CSNK2A2IP: variants seen among roughly 807,000 people sequenced by gnomAD.
The protein encoded by CSNK2A2IP is casein kinase 2 subunit alpha' interacting protein.
chr3:88,374,120 C>T, the CSNK2A2IP span, among the ~76,000 whole-genome samples: 1 of 151,556 alleles, frequency 6.6e-6, no homozygotes, highest in Non-Finnish European at 1.5e-5. Context: ...AGATTACACA[C>T]AAGCAAGGGT....
the CSNK2A2IP span, among the ~76,000 whole-genome samples, chr3:88,415,932 A>G: frequency 2.0e-5 from 3 of 151,970 alleles, no homozygotes; most frequent in Non-Finnish European, 4.4e-5. Context: ...AAATTCAGAA[A>G]CAAAGAAGCC....
the CSNK2A2IP span, among the ~76,000 whole-genome samples, chr3:88,346,179 A>G: frequency 6.6e-6 from 1 of 152,008 alleles, no homozygotes; most frequent in Admixed American, 6.6e-5. Context: ...CTGCAGAAGA[A>G]AAGTTTAAAG....
chr3:88,462,029 G>T, the CSNK2A2IP span, among the ~76,000 whole-genome samples: 1 of 151,614 alleles, frequency 6.6e-6, no homozygotes, highest in African/African-American at 2.4e-5. Flanking sequence ...TGTTTGTGAA[G>T]TGGTTGTTCA....
the CSNK2A2IP span, among the ~76,000 whole-genome samples, chr3:88,441,851 C>T: frequency 1.3e-5 from 2 of 152,084 alleles, no homozygotes; most frequent in East Asian, 1.9e-4. Context: ...CTGTGTTTTA[C>T]AGACATTTTC....
the CSNK2A2IP span, among the ~76,000 whole-genome samples, chr3:88,417,618 T>C: frequency 4.6e-5 from 7 of 152,352 alleles, 2 homozygotes; most frequent in Admixed American, 4.6e-4. Context: ...ACTATGAGTA[T>C]GACAGGCAAT....
At chr3:88,398,350 C>T in the CSNK2A2IP span, among the ~76,000 whole-genome samples, 4 of 151,962 alleles carry the variant, frequency 2.6e-5, no homozygotes, top group African/African-American at 9.7e-5. Context: ...ATCATGTGAA[C>T]AAGAAAGAAA....
chr3:88,407,930 C>T, the CSNK2A2IP span, among the ~76,000 whole-genome samples: 9 of 151,958 alleles, frequency 5.9e-5, no homozygotes, highest in South Asian at 1.7e-3. Flanking sequence ...ACCATGTTGG[C>T]CAGGCTGGTC....
the CSNK2A2IP span, among the ~76,000 whole-genome samples, chr3:88,460,955 T>C: frequency 7.2e-5 from 11 of 151,974 alleles, no homozygotes; most frequent in South Asian, 2.1e-3. Context: ...GGCGTGGTGG[T>C]GCATGCCTGT....
the CSNK2A2IP span, among the ~76,000 whole-genome samples, chr3:88,420,006 C>G: frequency 6.6e-6 from 1 of 152,094 alleles, no homozygotes; most frequent in African/African-American, 2.4e-5. Context: ...CATAGAATCA[C>G]CTGGGAAGAT....
the CSNK2A2IP span, among the ~76,000 whole-genome samples, chr3:88,405,460 C>T: frequency 2.0e-5 from 3 of 152,234 alleles, no homozygotes; most frequent in Middle Eastern, 3.4e-3. Flanking sequence ...TGTAGGATCA[C>T]CTCATGTTAA....
the CSNK2A2IP span, among the ~76,000 whole-genome samples, chr3:88,388,716 C>T: frequency 6.6e-6 from 1 of 152,136 alleles, no homozygotes; most frequent in African/African-American, 2.4e-5. Flanking sequence ...CTTCATATCC[C>T]TGTATAGATA....
the CSNK2A2IP span, among the ~76,000 whole-genome samples, chr3:88,345,561 C>G: frequency 6.6e-6 from 1 of 151,936 alleles, no homozygotes; most frequent in East Asian, 1.9e-4. Context: ...ACATTTCAAA[C>G]TTTTCCATTA....
the CSNK2A2IP span, among the ~76,000 whole-genome samples, chr3:88,360,132 TTTTTG>T: frequency 7.2e-6 from 1 of 138,492 alleles, no homozygotes; most frequent in Admixed American, 7.4e-5. Context: ...TTTTAAAGAG[TTTTTG>T]TCTTTTTTTT....
the CSNK2A2IP span, among the ~76,000 whole-genome samples, chr3:88,348,387 G>A: frequency 2.6e-5 from 4 of 152,082 alleles, no homozygotes; most frequent in African/African-American, 9.6e-5. Flanking sequence ...GTTTCGAAAC[G>A]GTATCAGTGA....
chr3:88,359,530 C>T, the CSNK2A2IP span, among the ~76,000 whole-genome samples: 4 of 151,882 alleles, frequency 2.6e-5, no homozygotes, highest in Non-Finnish European at 5.9e-5. Context: ...GTCAGTACTG[C>T]TTTGGCTGTA....
the CSNK2A2IP span, among the ~76,000 whole-genome samples, chr3:88,439,177 A>G: frequency 6.6e-6 from 1 of 152,122 alleles, no homozygotes; most frequent in Non-Finnish European, 1.5e-5. Context: ...CTTTTCATTG[A>G]CTTTCCAGCC....
At chr3:88,466,605 T>G in the CSNK2A2IP span, 1 of 1,231,566 alleles carries the variant, frequency 8.1e-7, no homozygotes, top group Non-Finnish European at 1.0e-6. Flanking sequence ...CTTTAAAGTA[T>G]AGTCAGCCCT....
At chr3:88,401,304 A>G in the CSNK2A2IP span, among the ~76,000 whole-genome samples, 2 of 152,246 alleles carry the variant, frequency 1.3e-5, no homozygotes, top group Non-Finnish European at 2.9e-5. Flanking sequence ...AAATAAGATT[A>G]ACTCTGGGGA....
the CSNK2A2IP span, among the ~76,000 whole-genome samples, chr3:88,370,780 A>G: frequency 6.6e-6 from 1 of 151,708 alleles, no homozygotes; most frequent in Non-Finnish European, 1.5e-5. Flanking sequence ...ATGTGACTGT[A>G]TTTGGAGATG....
Sources: allele counts gnomAD v4.1 joint callset (sites outside exome capture counted in the v4.1 genomes callset), GRCh38; gene constraint gnomAD v4.1.1; transcripts MANE v1.5; gene names NCBI Gene and HGNC (gene_info 2026-07-23, HGNC 2026-07-21).